UBE2K: variants seen among roughly 807,000 people sequenced by gnomAD.
The protein encoded by UBE2K is ubiquitin conjugating enzyme E2 K.
Under a neutral mutation model 30.0 loss-of-function variants are expected in UBE2K, and 6 were observed. That is an observed-to-expected ratio of 0.20 (90% CI 0.11 to 0.39). UBE2K has a LOEUF of 0.39. UBE2K is among the 10% of genes least tolerant of loss of function. The pLI is 1.00. For missense variants in UBE2K, 61 were observed against 241.6 expected (o/e 0.25, Z 4.96); for synonymous variants, 86 against 83.7 (o/e 1.03, Z -0.15).
chr4:39,754,885 T>C (rs1275585370), intron 3 of UBE2K, among the ~76,000 whole-genome samples: 1 of 152,208 alleles, frequency 6.6e-6, no homozygotes, highest in African/African-American at 2.4e-5. Context: ...GTCATTGTCA[T>C]ATGTGTCAGA....
chr4:39,737,250 T>C (rs1720429616), intron 1 of UBE2K, among the ~76,000 whole-genome samples, 170 bp from the exon 2 acceptor site: 1 of 152,214 alleles, frequency 6.6e-6, no homozygotes, highest in Non-Finnish European at 1.5e-5. Flanking sequence ...ATTAGTTTGT[T>C]TTAAATATTC....
intron 3 of UBE2K, among the ~76,000 whole-genome samples, chr4:39,750,284 C>A (rs1183620901): frequency 6.6e-6 from 1 of 152,214 alleles, no homozygotes; most frequent in Non-Finnish European, 1.5e-5. Flanking sequence ...TATGAACTCA[C>A]ATCTACAATG....
chr4:39,770,284 C>T (rs1398752102), intron 4 of UBE2K: 8 of 1,611,100 alleles, frequency 5.0e-6, no homozygotes, highest in African/African-American at 2.7e-5. Flanking sequence ...AAGCACTTGC[C>T]GCAGATGCCG....
chr4:39,732,240 G>A (rs915639885), intron 1 of UBE2K, among the ~76,000 whole-genome samples: 1 of 152,172 alleles, frequency 6.6e-6, no homozygotes, highest in Admixed American at 6.6e-5. Context: ...TGAAACTGGA[G>A]TACAAAGTAG....
At chr4:39,698,526 T>C (rs369869289) in intron 1 of UBE2K, 136 bp downstream of exon 1, 2 of 773,426 alleles carry the variant, frequency 2.6e-6, no homozygotes, top group Admixed American at 2.1e-5. Flanking sequence ...GAAGCAGCAG[T>C]GTTCCCCTCC....
At chr4:39,771,148 A>G in intron 4 of UBE2K, 1 of 1,612,810 alleles carries the variant, frequency 6.2e-7, no homozygotes. Context: ...GATGTCCCTA[A>G]CAGCGAATTC....
intron 1 of UBE2K, chr4:39,713,988 C>G (rs149394910): frequency 6.6e-6 from 1 of 152,140 alleles, no homozygotes; most frequent in Admixed American, 6.6e-5. Context: ...CTCCTGGGCT[C>G]AAGTGATCTT....
intron 1 of UBE2K, among the ~76,000 whole-genome samples, chr4:39,705,041 T>C (rs1471103561): frequency 2.7e-5 from 4 of 148,532 alleles, no homozygotes; most frequent in Non-Finnish European, 4.5e-5. Context: ...TGGCTAATGT[T>C]TTTTTTTGTT....
At chr4:39,768,978 A>G (rs1352818126) in intron 4 of UBE2K, among the ~76,000 whole-genome samples, 1 of 152,078 alleles carries the variant, frequency 6.6e-6, no homozygotes, top group Non-Finnish European at 1.5e-5. Flanking sequence ...GGTGTGCACT[A>G]TCACGGCCAG....
At chr4:39,734,752 A>G (rs1720264839) in intron 1 of UBE2K, among the ~76,000 whole-genome samples, 1 of 152,198 alleles carries the variant, frequency 6.6e-6, no homozygotes, top group South Asian at 2.1e-4. Context: ...GTTGAGGTGC[A>G]GTGAGCTGAG....
Position 39,780,611 on chromosome 4 carries a change from T to C in UBE2K, c.*2177T>C, listed in dbSNP as rs1713555201. The C allele has an allele frequency of 6.6e-6, 1 of 152,134 alleles. No homozygotes were observed. The highest frequency in any genetic ancestry group is 2.4e-5 in the African/African-American group (1 of 41,452). The allele number at this position is 152,134 out of a possible 1,614,324, so 9.4% of individuals were successfully genotyped here. A position where few individuals can be genotyped will look rare whatever the true frequency, so the allele number is the denominator to read the frequency against. On this transcript the variant is annotated 3_prime_UTR_variant, in exon 7 of 7. Transcript: ENST00000261427. Reference sequence around the variant, plus strand: ...GTGCCCAAGAAATTGGAAAGTACAATATTTGGTTTGAGACATTCTTCATAA... The same window carrying C: ...GTGCCCAAGAAATTGGAAAGTACAACATTTGGTTTGAGACATTCTTCATAA...
At chr4:39,771,321 G>T (rs769656248) in intron 4 of UBE2K, 64 of 1,612,118 alleles carry the variant, frequency 4.0e-5, no homozygotes, top group Admixed American at 2.5e-4. Context: ...TGAGGCTGTC[G>T]GCCACAATGG....
At position 39,735,719 on chromosome 4, in the gene UBE2K, T is replaced by C. The variant is rs191922890; in HGVS notation, c.64-1701T>C. Among the ~76,000 whole-genome samples the C allele has an allele frequency of 5.4e-3, 818 of 152,324 alleles. 8 individuals carry two copies. Among genetic ancestry groups the C allele is most frequent in the Non-Finnish European group, 9.1e-3 (619 of 68,040 alleles). ...TACTGTTGCTAAAATGTACATTTTC[T>C]CCTCTACCACAAATACCAAAGTTGT... On this transcript the variant is annotated intron_variant, in intron 1 of 6. Coordinates refer to ENST00000261427, the MANE Select transcript of UBE2K (RefSeq NM_005339.5).
At chr4:39,707,841 G>A (rs955226031) in intron 1 of UBE2K, among the ~76,000 whole-genome samples, 6 of 151,852 alleles carry the variant, frequency 4.0e-5, no homozygotes, top group Non-Finnish European at 8.8e-5. Flanking sequence ...AGTTCTAGAG[G>A]AAAGTTAAGA....
chr4:39,747,439 CAT>C (rs1721038646), intron 3 of UBE2K, among the ~76,000 whole-genome samples: 1 of 152,178 alleles, frequency 6.6e-6, no homozygotes, highest in Non-Finnish European at 1.5e-5. Flanking sequence ...TAAGTGGAAT[CAT>C]AAAATGTCAT....
rs1713633224 is a variant in UBE2K, at chr4:39,781,851, C to T, written c.*3417C>T. The T allele has an allele frequency of 2.5e-6, 1 of 398,126 alleles. No individual in the cohort carries two copies. 24.7% of individuals were successfully genotyped at this position (398,126 alleles called of 1,614,324 possible). On this transcript the variant is annotated 3_prime_UTR_variant, in exon 7 of 7. Transcript: ENST00000261427. ...AACCATTGATTTAAAAATTACGTTT[C>T]CATTCTTTTTAGTATCAGTTTAAAG... is the stretch of plus-strand genomic sequence containing the variant.
chr4:39,715,174 C>T (rs1414480115), intron 1 of UBE2K, among the ~76,000 whole-genome samples: 2 of 151,562 alleles, frequency 1.3e-5, no homozygotes, highest in African/African-American at 2.4e-5. Flanking sequence ...TACAGGCGCC[C>T]GCCACCACGC....
At chr4:39,772,860 G>C (rs1252810966) in intron 4 of UBE2K, among the ~76,000 whole-genome samples, 1 of 151,138 alleles carries the variant, frequency 6.6e-6, no homozygotes, top group Non-Finnish European at 1.5e-5. Context: ...GCTAATTTTT[G>C]CATTTTTTGT....
At chr4:39,746,339 A>T (rs1387921556) in intron 3 of UBE2K, among the ~76,000 whole-genome samples, 2 of 152,182 alleles carry the variant, frequency 1.3e-5, no homozygotes. Context: ...ATACCCTAAG[A>T]TCATGTATAA....
Sources: allele counts gnomAD v4.1 joint callset (sites outside exome capture counted in the v4.1 genomes callset), GRCh38; gene constraint gnomAD v4.1.1; transcripts MANE v1.5; gene names NCBI Gene and HGNC (gene_info 2026-07-23, HGNC 2026-07-21).